The following PDE7B variants were observed in gnomAD, a reference collection of about 807,000 sequenced individuals.
The protein encoded by PDE7B is 3',5'-cyclic-AMP phosphodiesterase 7B.
PDE7B carries 29 observed loss-of-function variants against 56.2 expected under a neutral mutation model. The ratio of observed to expected loss-of-function variants is 0.52; its 90% CI spans 0.38 to 0.70. PDE7B has a LOEUF of 0.70. PDE7B is among the 30% of genes least tolerant of loss of function. PDE7B has a pLI of 0.00. For synonymous variants in PDE7B, 197 were observed against 196.9 expected (o/e 1.00, Z 0.00); for missense variants, 490 against 565.0 (o/e 0.87, Z 1.35).
At chr6:136,148,459 G>GGGAA (rs1216400155) in intron 4 of PDE7B, among the ~76,000 whole-genome samples, 19 of 130,914 alleles carry the variant, frequency 1.5e-4, no homozygotes, top group Non-Finnish European at 2.3e-4. Context: ...GAGGGAGGGA[G>GGGAA]GGAAGGAAGG....
At chr6:136,139,652 T>G (rs895517349) in intron 3 of PDE7B, among the ~76,000 whole-genome samples, 19 of 152,164 alleles carry the variant, frequency 1.2e-4, no homozygotes, top group Non-Finnish European at 1.8e-4. Flanking sequence ...ACTTTTTAAC[T>G]ATCGCCATTC....
At chr6:136,001,543 C>T (rs1054780139) in intron 2 of PDE7B, among the ~76,000 whole-genome samples, 32 of 151,796 alleles carry the variant, frequency 2.1e-4, no homozygotes, top group Non-Finnish European at 3.8e-4. Flanking sequence ...TCGAGAACTA[C>T]GTGAAGAATG....
At chr6:135,927,148 A>G (rs73558715) in intron 1 of PDE7B, among the ~76,000 whole-genome samples, 14,836 of 152,190 alleles carry the variant, frequency 0.097, 848 homozygotes, top group African/African-American at 0.16. Context: ...CATGTATGCT[A>G]AATTAATCTG....
chr6:136,030,386 T>C (rs961772786), intron 2 of PDE7B, among the ~76,000 whole-genome samples: 4 of 152,238 alleles, frequency 2.6e-5, no homozygotes, highest in African/African-American at 9.6e-5. Flanking sequence ...GAATTCCAGG[T>C]GAAACCTGTT....
intron 2 of PDE7B, among the ~76,000 whole-genome samples, chr6:136,020,805 T>C (rs1776058442): frequency 6.6e-6 from 1 of 152,114 alleles, no homozygotes; most frequent in African/African-American, 2.4e-5. Flanking sequence ...CCAGACACTT[T>C]TGGGCATAAG....
At chr6:135,977,564 T>C (rs1775208220) in intron 2 of PDE7B, among the ~76,000 whole-genome samples, 1 of 152,084 alleles carries the variant, frequency 6.6e-6, no homozygotes. Flanking sequence ...TTCCATACCC[T>C]TGTCAAAGGA....
chr6:136,001,907 C>G (rs1367821519), intron 2 of PDE7B, among the ~76,000 whole-genome samples: 3 of 151,932 alleles, frequency 2.0e-5, no homozygotes, highest in Non-Finnish European at 4.4e-5. Flanking sequence ...GTCAGATTCA[C>G]CAAAGTTGAA....
At chr6:136,087,799 C>T (rs1777317908) in intron 2 of PDE7B, among the ~76,000 whole-genome samples, 1 of 152,132 alleles carries the variant, frequency 6.6e-6, no homozygotes, top group African/African-American at 2.4e-5. Flanking sequence ...GTGTTGTTCT[C>T]GCATTCTGGT....
chr6:135,955,442 C>A (rs989193878), intron 2 of PDE7B, among the ~76,000 whole-genome samples: 3 of 152,054 alleles, frequency 2.0e-5, no homozygotes, highest in East Asian at 3.9e-4. Context: ...CAGGTACCGG[C>A]AGCTTAATGT....
intron 1 of PDE7B, among the ~76,000 whole-genome samples, chr6:135,904,220 C>T (rs1776056404): frequency 6.6e-6 from 1 of 152,162 alleles, no homozygotes; most frequent in Non-Finnish European, 1.5e-5. Context: ...GGGGCAAGCA[C>T]CTGACCTTGT....
intron 10 of PDE7B, among the ~76,000 whole-genome samples, chr6:136,180,960 C>T (rs944971132): frequency 1.3e-5 from 2 of 152,140 alleles, no homozygotes; most frequent in Non-Finnish European, 2.9e-5. Context: ...CCTTGGCCTG[C>T]CCACCCAAGT....
chr6:135,972,677 T>C (rs1775113864), intron 2 of PDE7B, among the ~76,000 whole-genome samples: 1 of 152,198 alleles, frequency 6.6e-6, no homozygotes, highest in Non-Finnish European at 1.5e-5. Context: ...CAATATTCCG[T>C]TGGTCAGAAA....
chr6:136,124,220 T>A (rs1777983361), intron 3 of PDE7B, among the ~76,000 whole-genome samples: 1 of 152,010 alleles, frequency 6.6e-6, no homozygotes, highest in African/African-American at 2.4e-5. Flanking sequence ...TCAGGGCAAT[T>A]TAAATTATAT....
intron 1 of PDE7B, among the ~76,000 whole-genome samples, chr6:135,916,361 T>G (rs1431108187): frequency 7.3e-5 from 11 of 150,092 alleles, no homozygotes; most frequent in Non-Finnish European, 1.5e-4. Context: ...TCAAGTCTTT[T>G]GCCCTTTTTT....
intron 2 of PDE7B, among the ~76,000 whole-genome samples, chr6:136,065,126 C>G (rs1437785742): frequency 2.0e-5 from 3 of 152,210 alleles, no homozygotes; most frequent in Admixed American, 1.3e-4. Context: ...CAGGACTTGA[C>G]AGCAGCTACC....
chr6:136,133,952 G>A (rs1225022463), intron 3 of PDE7B, among the ~76,000 whole-genome samples: 1 of 152,112 alleles, frequency 6.6e-6, no homozygotes, highest in Non-Finnish European at 1.5e-5. Flanking sequence ...TTATCTGCAG[G>A]GTACTTTTGG....
At chr6:135,921,898 G>T (rs377600178) in intron 1 of PDE7B, among the ~76,000 whole-genome samples, 8 of 151,846 alleles carry the variant, frequency 5.3e-5, no homozygotes, top group Admixed American at 1.3e-4. Flanking sequence ...CTTCCCAAAA[G>T]CATCCCCAAA....
intron 1 of PDE7B, among the ~76,000 whole-genome samples, chr6:135,914,345 C>T (rs1272529743): frequency 6.6e-6 from 1 of 151,836 alleles, no homozygotes; most frequent in Admixed American, 6.6e-5. Flanking sequence ...TCCCTGTGCT[C>T]ATTTTTTGTC....
chr6:135,881,853 AATTAT>A (rs1437205434), intron 1 of PDE7B, among the ~76,000 whole-genome samples: 1 of 152,220 alleles, frequency 6.6e-6, no homozygotes, highest in Non-Finnish European at 1.5e-5. Flanking sequence ...ATAACTGTAC[AATTAT>A]ATTTGTTACA....
Sources: gnomAD v4.1 joint callset for allele counts (sites outside exome capture counted in the v4.1 genomes callset) on GRCh38, gnomAD v4.1.1 for gene constraint, MANE v1.5 for transcripts, NCBI Gene and HGNC (gene_info 2026-07-23, HGNC 2026-07-21) for gene names.